The following GPR176 variants were observed in gnomAD, a reference collection of about 807,000 sequenced individuals.
GPR176 encodes the protein G protein-coupled receptor 176.
GPR176 carries 26 observed loss-of-function variants against 35.4 expected under a neutral mutation model. That is an observed-to-expected ratio of 0.74 (90% CI 0.54 to 1.02). The LOEUF is 1.02. Among genes scored for constraint, GPR176 ranks in the 50% least tolerant of loss-of-function variants. The probability of loss-of-function intolerance (pLI) is 0.00; values close to 1 mark genes in which losing one functional copy is unlikely to be tolerated. For missense variants in GPR176, 597 were observed against 665.3 expected (o/e 0.90, Z 1.13); for synonymous variants, 278 against 271.3 (o/e 1.02, Z -0.24).
chr15:39,861,085 T>A (rs166703), intron 1 of GPR176, among the ~76,000 whole-genome samples: 5 of 152,028 alleles, frequency 3.3e-5, no homozygotes, highest in Admixed American at 3.3e-4. Context: ...AATCTAGAGT[T>A]AACAAACTCT....
chr15:39,875,940 AATATATGTATATATTTAATTTAC>A (rs1173460183), intron 1 of GPR176, among the ~76,000 whole-genome samples: 3 of 149,206 alleles, frequency 2.0e-5, no homozygotes, highest in Middle Eastern at 3.3e-3. Flanking sequence ...TATGAGTTTA[AATATATGTATATATTTAATTTAC>A]ATATATGTAT....
chr15:39,861,138 A>C (rs1224907043), intron 1 of GPR176, among the ~76,000 whole-genome samples: 2 of 152,244 alleles, frequency 1.3e-5, no homozygotes, highest in African/African-American at 4.8e-5. Flanking sequence ...AAGAGAAAAA[A>C]GCCACACAAT....
At chr15:39,860,144 T>C (rs1032741342) in intron 1 of GPR176, among the ~76,000 whole-genome samples, 1 of 152,228 alleles carries the variant, frequency 6.6e-6, no homozygotes, top group Admixed American at 6.5e-5. Context: ...TCTATCCATA[T>C]GAATGAATTA....
intron 1 of GPR176, chr15:39,829,258 G>A (rs1032994950): frequency 2.8e-5 from 41 of 1,455,906 alleles, no homozygotes; most frequent in South Asian, 1.1e-4. Context: ...AAAGCCACTT[G>A]GACTCGGGCA....
rs151152620 is a variant in GPR176 at position 39,802,060 on chromosome 15, A to G, written c.620T>C (p.Leu207Pro). 489 of 1,614,032 alleles carry G rather than the reference A, an allele frequency of 3.0e-4. No homozygotes were observed. The highest frequency in any genetic ancestry group is 3.8e-4 in the Non-Finnish European group (453 of 1,180,010). ...AATGACCGTGGTGATGTTATACACC[A>G]GAACGTACACCAGGTGGCCCAAGGA... ...SNSLGHLVYV[L>P]VYNITTVIVP... is the part of the protein sequence containing the mutation. The change falls in exon 3 of 3, where the codon CTG (leucine) becomes CCG (proline). Residue 207 changes from leucine (L) to proline (P), a missense_variant. Physicochemically the swap from Leu to Pro is moderately conservative, Grantham distance 98. Coordinates refer to ENST00000561100, the MANE Select transcript of GPR176 (RefSeq NM_007223.3).
At chr15:39,918,310 T>C (rs1038463581) in intron 1 of GPR176, among the ~76,000 whole-genome samples, 1 of 152,218 alleles carries the variant, frequency 6.6e-6, no homozygotes, top group African/African-American at 2.4e-5. Flanking sequence ...ATGTCCTGTC[T>C]TCTACTTCAA....
chr15:39,806,618 G>C (rs1244471277), intron 2 of GPR176, among the ~76,000 whole-genome samples: 1 of 152,156 alleles, frequency 6.6e-6, no homozygotes, highest in Non-Finnish European at 1.5e-5. Flanking sequence ...TCATTCCCTT[G>C]TTCTTTCAGA....
At chr15:39,863,592 A>C (rs1334629565) in intron 1 of GPR176, among the ~76,000 whole-genome samples, 1 of 152,234 alleles carries the variant, frequency 6.6e-6, no homozygotes, top group African/African-American at 2.4e-5. Context: ...GCCTAAGTGT[A>C]CAGTCTTTAT....
At chr15:39,850,767 A>C (rs1308867214) in intron 1 of GPR176, among the ~76,000 whole-genome samples, 1 of 152,186 alleles carries the variant, frequency 6.6e-6, no homozygotes, top group African/African-American at 2.4e-5. Flanking sequence ...TTACATCTGC[A>C]TGTCAATCTA....
intron 1 of GPR176, chr15:39,814,943 A>G (rs1309737290): frequency 6.6e-6 from 1 of 152,226 alleles, no homozygotes; most frequent in Non-Finnish European, 1.5e-5. Context: ...CTTCAGTGTC[A>G]TCATCTATAA....
intron 1 of GPR176, among the ~76,000 whole-genome samples, chr15:39,836,303 G>A (rs576230028): frequency 6.6e-6 from 1 of 152,132 alleles, no homozygotes; most frequent in South Asian, 2.1e-4. Context: ...TGGGTCATGG[G>A]GGCAGATCTC....
At chr15:39,841,765 G>A (rs1009374770) in intron 1 of GPR176, among the ~76,000 whole-genome samples, 1 of 152,112 alleles carries the variant, frequency 6.6e-6, no homozygotes, top group African/African-American at 2.4e-5. Context: ...AGCAGCCCAG[G>A]AAACTAATAT....
At chr15:39,834,462 T>A (rs1347726141) in intron 1 of GPR176, among the ~76,000 whole-genome samples, 1 of 152,122 alleles carries the variant, frequency 6.6e-6, no homozygotes, top group East Asian at 1.9e-4. Context: ...CCAAGAAGGG[T>A]TATGAAATCT....
chr15:39,819,397 G>A (rs1286144920), intron 1 of GPR176, among the ~76,000 whole-genome samples: 1 of 152,174 alleles, frequency 6.6e-6, no homozygotes, highest in Non-Finnish European at 1.5e-5. Context: ...TGAAAACTCT[G>A]TCAACCCTCA....
intron 1 of GPR176, among the ~76,000 whole-genome samples, chr15:39,847,699 CA>C (rs71132119): frequency 1.3e-5 from 1 of 75,370 alleles, no homozygotes; most frequent in African/African-American, 3.9e-5. Flanking sequence ...ACCGAGATCA[CA>C]CCACTGCACT....
In GPR176 at chr15:39,841,388, G is replaced by A. The variant is rs117105290; in HGVS notation, c.173-34130C>T. Reference sequence around the variant, plus strand: ...ATCTCAGAATGTGGCTTGGAAATACGGTCTTTGTAGAGCAAATCAAGTAAT... The same window carrying A: ...ATCTCAGAATGTGGCTTGGAAATACAGTCTTTGTAGAGCAAATCAAGTAAT... On this transcript the variant is annotated intron_variant, in intron 1 of 2. Coordinates refer to ENST00000561100, the MANE Select transcript of GPR176 (RefSeq NM_007223.3). 9.6e-3 allele frequency among the ~76,000 whole-genome samples: 1,306 copies of A among 136,126 alleles called. 11 individuals carry two copies. The highest frequency in any genetic ancestry group is 0.016 in the South Asian group (67 of 4,120). The allele number at this position is 136,126 out of a possible 152,430, so 89.3% of individuals were successfully genotyped here.
At chr15:39,855,858 A>G (rs764549846) in intron 1 of GPR176, among the ~76,000 whole-genome samples, 2 of 152,242 alleles carry the variant, frequency 1.3e-5, no homozygotes, top group Non-Finnish European at 2.9e-5. Context: ...ATTAACAGCA[A>G]TAACACAGTA....
chr15:39,912,963 T>C (rs1164403707), intron 1 of GPR176, among the ~76,000 whole-genome samples: 1 of 152,178 alleles, frequency 6.6e-6, no homozygotes, highest in Non-Finnish European at 1.5e-5. Flanking sequence ...AGGTATATAC[T>C]CAAGAGAACT....
intron 1 of GPR176, among the ~76,000 whole-genome samples, chr15:39,873,085 G>A (rs1206939199): frequency 2.0e-5 from 3 of 152,068 alleles, no homozygotes; most frequent in East Asian, 3.8e-4. Context: ...GAGTCCATTC[G>A]AAAAATACAG....
Sources: allele counts gnomAD v4.1 joint callset (sites outside exome capture counted in the v4.1 genomes callset), GRCh38; gene constraint gnomAD v4.1.1; transcripts MANE v1.5; gene names NCBI Gene and HGNC (gene_info 2026-07-23, HGNC 2026-07-21).